Variants in CEMIP observed in about 807,000 individuals in gnomAD.
CEMIP encodes the protein cell migration inducing hyaluronidase 1.
A neutral mutation model predicts 156.9 loss-of-function variants in CEMIP; 105 were observed. That is an observed-to-expected ratio of 0.67 (90% CI 0.57 to 0.79). The LOEUF is 0.79. CEMIP is among the 30% of genes least tolerant of loss of function. The pLI is 0.00. For synonymous variants in CEMIP, 676 were observed against 668.4 expected (o/e 1.01, Z -0.17); for missense variants, 1,457 against 1,769.4 (o/e 0.82, Z 3.17).
intron 14 of CEMIP, among the ~76,000 whole-genome samples, chr15:80,911,289 C>T (rs1900041393): frequency 6.6e-6 from 1 of 152,150 alleles, no homozygotes; most frequent in African/African-American, 2.4e-5. Context: ...TGATGGAGGT[C>T]AGGATACATG....
rs144787399 is a variant in CEMIP at position 80,936,843 on chromosome 15, C to T, written c.3179C>T (p.Thr1060Met). 1.6e-5 allele frequency: 26 copies of T among 1,613,970 alleles called. No individual in the cohort carries two copies. Among genetic ancestry groups the T allele is most frequent in the South Asian group, 7.7e-5 (7 of 91,096 alleles). ...QKGYTIHWDQTAPAELAIWLI... is the reference protein window; with the variant it reads ...QKGYTIHWDQMAPAELAIWLI... ...GGCTACACCATCCACTGGGACCAGA[C>T]GGCCCCCGCCGAACTCGCCATCTGG... The change falls in exon 24 of 30, where the codon ACG (threonine) becomes ATG (methionine). Residue 1060 changes from threonine (T) to methionine (M), a missense_variant. Thr to Met is a moderately conservative substitution (Grantham distance 81, BLOSUM62 -1). Coordinates refer to ENST00000394685, the MANE Select transcript of CEMIP (RefSeq NM_001293298.2).
chr15:80,823,822 G>A (rs1056049381), intron 1 of CEMIP, among the ~76,000 whole-genome samples: 1 of 152,166 alleles, frequency 6.6e-6, no homozygotes, highest in Non-Finnish European at 1.5e-5. Flanking sequence ...AAAGACGATG[G>A]ACCTTTCTTT....
intron 1 of CEMIP, among the ~76,000 whole-genome samples, chr15:80,810,555 G>C (rs1458841256): frequency 1.3e-5 from 2 of 152,142 alleles, no homozygotes; most frequent in Non-Finnish European, 2.9e-5. Flanking sequence ...TTTTAGTAGA[G>C]ATGGGCTTTC....
intron 17 of CEMIP, among the ~76,000 whole-genome samples, chr15:80,923,290 A>C (rs1016401184): frequency 1.3e-5 from 2 of 152,136 alleles, no homozygotes; most frequent in African/African-American, 2.4e-5. Flanking sequence ...GGTAACAGAG[A>C]GGGCATTTCT....
At chr15:80,780,759 T>C (rs1232824410) in intron 1 of CEMIP, among the ~76,000 whole-genome samples, 1 of 152,222 alleles carries the variant, frequency 6.6e-6, no homozygotes, top group African/African-American at 2.4e-5. Context: ...CCGGCGGCTC[T>C]GCGTGCCCAG....
At chr15:80,836,270 C>T (rs931487231) in intron 1 of CEMIP, among the ~76,000 whole-genome samples, 11 of 152,202 alleles carry the variant, frequency 7.2e-5, no homozygotes, top group Admixed American at 3.3e-4. Context: ...TCTCTAAGAG[C>T]GAAAAGGCAT....
At chr15:80,846,063 C>G (rs1376245100) in intron 1 of CEMIP, among the ~76,000 whole-genome samples, 4 of 152,204 alleles carry the variant, frequency 2.6e-5, no homozygotes, top group African/African-American at 9.7e-5. Context: ...ACCCACCCAC[C>G]TCAGTGTAAA....
At chr15:80,886,170 CAT>C (rs1164219390) in intron 7 of CEMIP, among the ~76,000 whole-genome samples, 1 of 152,158 alleles carries the variant, frequency 6.6e-6, no homozygotes, top group Admixed American at 6.5e-5. Context: ...CAGACGAACA[CAT>C]GAGGATGAGG....
chr15:80,901,003 A>T (rs1267910348), intron 12 of CEMIP: 1 of 453,872 alleles, frequency 2.2e-6, no homozygotes, highest in Non-Finnish European at 4.4e-6. Context: ...AGTAATGAAA[A>T]TGCATGAATC....
chr15:80,905,938 A>T (rs1487139593), intron 12 of CEMIP, among the ~76,000 whole-genome samples: 1 of 152,140 alleles, frequency 6.6e-6, no homozygotes. Context: ...ACGTGGTACC[A>T]TGGAGGCATC....
chr15:80,821,583 G>A (rs1345108015), intron 1 of CEMIP, among the ~76,000 whole-genome samples: 3 of 152,188 alleles, frequency 2.0e-5, no homozygotes, highest in Non-Finnish European at 4.4e-5. Context: ...GAGATGAGTA[G>A]ACAGGTTCAT....
At chr15:80,943,243 T>C in intron 28 of CEMIP, 141 bp downstream of exon 28, 1 of 934,290 alleles carries the variant, frequency 1.1e-6, no homozygotes, top group Non-Finnish European at 1.8e-6. Flanking sequence ...CCACAAATCA[T>C]GGGTGTTGGA....
At chr15:80,901,764 A>T (rs936579161) in intron 12 of CEMIP, among the ~76,000 whole-genome samples, 3 of 151,858 alleles carry the variant, frequency 2.0e-5, no homozygotes, top group Non-Finnish European at 4.4e-5. Context: ...TCCAGTAGCC[A>T]CCGGTGACTA....
chr15:80,787,705 T>A (rs1895975317), intron 1 of CEMIP, among the ~76,000 whole-genome samples: 1 of 152,206 alleles, frequency 6.6e-6, no homozygotes, highest in South Asian at 2.1e-4. Flanking sequence ...TAGCCACAGA[T>A]GCCGGTTTCT....
At chr15:80,888,412 G>A (rs568716717) in intron 8 of CEMIP, among the ~76,000 whole-genome samples, 5 of 152,136 alleles carry the variant, frequency 3.3e-5, no homozygotes, top group Non-Finnish European at 7.3e-5. Context: ...TGCGGGAAGC[G>A]CTGCAGTTCT....
Position 80,884,167 on chromosome 15 carries a change from C to A in CEMIP, c.618-8C>A, listed in dbSNP as rs1389462132. On this transcript the variant is annotated splice_region_variant and splice_polypyrimidine_tract_variant and intron_variant, in intron 6 of 29. Coordinates refer to ENST00000394685, the MANE Select transcript of CEMIP (RefSeq NM_001293298.2). ...ACTATTCAGATCTCTTCTCTCTGCC[C>A]TTTTTAGGTTTGACACCTATAGATC... 1 of 1,613,872 alleles carries A rather than the reference C, an allele frequency of 6.2e-7. No individual in the cohort carries two copies. Among genetic ancestry groups the A allele is most frequent in the Non-Finnish European group, 8.5e-7 (1 of 1,179,890 alleles).
chr15:80,834,475 C>G (rs1249340078), intron 1 of CEMIP, among the ~76,000 whole-genome samples: 1 of 152,200 alleles, frequency 6.6e-6, no homozygotes, highest in Non-Finnish European at 1.5e-5. Flanking sequence ...AAAGTAGAGT[C>G]AGGCTTCATT....
At chr15:80,799,641 T>C (rs1459585042) in intron 1 of CEMIP, among the ~76,000 whole-genome samples, 1 of 152,204 alleles carries the variant, frequency 6.6e-6, no homozygotes, top group Non-Finnish European at 1.5e-5. Flanking sequence ...TACAGTATTA[T>C]TGACAATAGC....
intron 14 of CEMIP, among the ~76,000 whole-genome samples, chr15:80,913,830 T>C (rs1434118875): frequency 2.0e-5 from 3 of 152,214 alleles, no homozygotes; most frequent in African/African-American, 7.2e-5. Flanking sequence ...TTTCCCTGTT[T>C]TGGAAATTCA....
Sources: allele counts gnomAD v4.1 joint callset (sites outside exome capture counted in the v4.1 genomes callset), GRCh38; gene constraint gnomAD v4.1.1; transcripts MANE v1.5; gene names NCBI Gene and HGNC (gene_info 2026-07-23, HGNC 2026-07-21).